EPHB1: variants seen among roughly 807,000 people sequenced by gnomAD.
The protein encoded by EPHB1 is EPH receptor B1.
In EPHB1, 30 loss-of-function variants were observed where a neutral mutation model predicts 94.4. That is an observed-to-expected ratio of 0.32 (90% CI 0.24 to 0.43). The LOEUF (loss-of-function observed/expected upper bound fraction) is 0.43. Ranked by LOEUF, EPHB1 falls within the 20% of genes least tolerant of loss-of-function variation. The probability of loss-of-function intolerance (pLI) is 1.00; values close to 1 mark genes in which losing one functional copy is unlikely to be tolerated. For synonymous variants in EPHB1, 522 were observed against 489.1 expected (o/e 1.07, Z -0.89); for missense variants, 1,055 against 1,308.3 (o/e 0.81, Z 2.99).
chr3:135,109,266 G>A (rs1221167584), intron 4 of EPHB1, among the ~76,000 whole-genome samples: 1 of 152,198 alleles, frequency 6.6e-6, no homozygotes, highest in African/African-American at 2.4e-5. Flanking sequence ...ATGGGCTTTG[G>A]CACTTCAGAG....
At chr3:135,005,194 G>A (rs937865417) in intron 3 of EPHB1, among the ~76,000 whole-genome samples, 2 of 152,178 alleles carry the variant, frequency 1.3e-5, no homozygotes, top group African/African-American at 4.8e-5. Flanking sequence ...ACCCTCAGCT[G>A]CAGGTCTGTT....
chr3:134,926,950 G>C (rs1178767258), intron 2 of EPHB1, among the ~76,000 whole-genome samples: 1 of 152,224 alleles, frequency 6.6e-6, no homozygotes, highest in Non-Finnish European at 1.5e-5. Flanking sequence ...GAGAGAAAGA[G>C]AGAGGAGGTG....
intron 12 of EPHB1, among the ~76,000 whole-genome samples, chr3:135,211,416 T>C (rs1206922275): frequency 6.6e-6 from 1 of 152,258 alleles, no homozygotes; most frequent in Non-Finnish European, 1.5e-5. Flanking sequence ...GATCCAGGTT[T>C]CCCTCTGGCA....
chr3:135,005,038 C>G (rs1445877659), intron 3 of EPHB1, among the ~76,000 whole-genome samples: 1 of 152,206 alleles, frequency 6.6e-6, no homozygotes, highest in African/African-American at 2.4e-5. Flanking sequence ...AGGCGCTCTG[C>G]TTTTTAGAGT....
At chr3:135,226,140 T>C (rs936288396) in intron 12 of EPHB1, among the ~76,000 whole-genome samples, 21 of 152,300 alleles carry the variant, frequency 1.4e-4, no homozygotes, top group East Asian at 9.7e-4. Flanking sequence ...AGAATGAGGA[T>C]TGGGGACAGC....
At chr3:135,080,826 A>G (rs1176239441) in intron 3 of EPHB1, among the ~76,000 whole-genome samples, 1 of 152,224 alleles carries the variant, frequency 6.6e-6, no homozygotes, top group Non-Finnish European at 1.5e-5. Context: ...ACATGACAAT[A>G]TGGCTAAGCC....
At chr3:134,909,269 G>A (rs1560291780) in intron 1 of EPHB1, among the ~76,000 whole-genome samples, 1 of 152,216 alleles carries the variant, frequency 6.6e-6, no homozygotes, top group Admixed American at 6.5e-5. Flanking sequence ...AACACAACAA[G>A]GACCAAGGAA....
intron 3 of EPHB1, among the ~76,000 whole-genome samples, chr3:134,955,212 G>T (rs1411654309): frequency 8.4e-5 from 4 of 47,372 alleles, no homozygotes; most frequent in Non-Finnish European, 1.6e-4. Context: ...ACCCACTAAC[G>T]TGTCATCTAG....
At chr3:134,894,776 C>T (rs2038054956) in intron 1 of EPHB1, among the ~76,000 whole-genome samples, 1 of 152,248 alleles carries the variant, frequency 6.6e-6, no homozygotes, top group South Asian at 2.1e-4. Flanking sequence ...TCTGCGTCCT[C>T]CTCGTGGTCA....
intron 2 of EPHB1, among the ~76,000 whole-genome samples, chr3:134,930,656 T>C (rs2038888435): frequency 6.6e-6 from 1 of 152,238 alleles, no homozygotes; most frequent in Admixed American, 6.5e-5. Flanking sequence ...GCTCTGTAAG[T>C]AGCAGTCTTT....
chr3:134,983,248 G>T (rs1290991163), intron 3 of EPHB1, among the ~76,000 whole-genome samples: 1 of 152,212 alleles, frequency 6.6e-6, no homozygotes, highest in South Asian at 2.1e-4. Flanking sequence ...ATGTCTATGT[G>T]TGCATGATCA....
intron 1 of EPHB1, among the ~76,000 whole-genome samples, chr3:134,869,295 T>C (rs1038463595): frequency 1.3e-5 from 2 of 152,168 alleles, no homozygotes; most frequent in African/African-American, 2.4e-5. Flanking sequence ...GATTAAACAG[T>C]GCCGTGGATC....
chr3:134,835,266 A>T (rs1278670071), intron 1 of EPHB1, among the ~76,000 whole-genome samples: 1 of 152,218 alleles, frequency 6.6e-6, no homozygotes, highest in Non-Finnish European at 1.5e-5. Flanking sequence ...CTCCAGAGAA[A>T]CAAGTTCCAT....
At chr3:134,817,480 G>T (rs2036292814) in intron 1 of EPHB1, among the ~76,000 whole-genome samples, 1 of 152,196 alleles carries the variant, frequency 6.6e-6, no homozygotes, top group African/African-American at 2.4e-5. Context: ...TGCACATGGA[G>T]CTCTGTAGTT....
At chr3:134,985,331 G>A (rs1934559957) in intron 3 of EPHB1, among the ~76,000 whole-genome samples, 1 of 152,108 alleles carries the variant, frequency 6.6e-6, no homozygotes, top group Non-Finnish European at 1.5e-5. Context: ...GCTAATTTTT[G>A]TATTTTTAGT....
chr3:134,854,225 A>G (rs2037057950), intron 1 of EPHB1, among the ~76,000 whole-genome samples: 2 of 152,242 alleles, frequency 1.3e-5, no homozygotes, highest in South Asian at 4.1e-4. Context: ...TGTGGACTGA[A>G]CAAATGTCTG....
intron 12 of EPHB1, among the ~76,000 whole-genome samples, chr3:135,239,461 C>T (rs1323241467): frequency 1.3e-5 from 2 of 152,162 alleles, no homozygotes; most frequent in Non-Finnish European, 2.9e-5. Flanking sequence ...GAGCTGCCGT[C>T]CCTGCTCTGT....
chr3:134,869,457 C>T (rs537415724), intron 1 of EPHB1, among the ~76,000 whole-genome samples: 7 of 152,222 alleles, frequency 4.6e-5, no homozygotes, highest in Non-Finnish European at 7.4e-5. Flanking sequence ...TTTTCATGCT[C>T]TCCCAGGAAG....
intron 3 of EPHB1, among the ~76,000 whole-genome samples, chr3:134,974,741 C>G (rs1249503153): frequency 6.6e-6 from 1 of 152,208 alleles, no homozygotes; most frequent in South Asian, 2.1e-4. Flanking sequence ...CTGTTTCTTT[C>G]CTCTTTGCCC....
Sources: allele counts gnomAD v4.1 joint callset (sites outside exome capture counted in the v4.1 genomes callset), GRCh38; gene constraint gnomAD v4.1.1; transcripts MANE v1.5; gene names NCBI Gene and HGNC (gene_info 2026-07-23, HGNC 2026-07-21).